Variants in NEK6 observed in about 807,000 individuals in gnomAD.
NEK6 encodes the protein NIMA related kinase 6, also known as serine/threonine-protein kinase Nek6.
NEK6 carries 27 observed loss-of-function variants against 43.5 expected under a neutral mutation model. The ratio of observed to expected loss-of-function variants is 0.62; its 90% confidence interval spans 0.46 to 0.86. The LOEUF is 0.86. NEK6 is among the 40% of genes least tolerant of loss of function. The pLI, the probability that NEK6 is intolerant of heterozygous loss-of-function variation, is 0.00. For missense variants in NEK6, 318 were observed against 414.4 expected (o/e 0.77, Z 2.02); for synonymous variants, 167 against 164.1 (o/e 1.02, Z -0.14).
intron 4 of NEK6, among the ~76,000 whole-genome samples, chr9:124,315,726 G>T (rs942806749): frequency 6.6e-6 from 1 of 152,208 alleles, no homozygotes; most frequent in Non-Finnish European, 1.5e-5. Flanking sequence ...CGCAGCCCCT[G>T]CCTTGCAGGA....
At position 124,351,163 on chromosome 9, in the gene NEK6, T is replaced by G. The variant is rs1030323993; in HGVS notation, c.*216T>G. The G allele has an allele frequency of 1.6e-5, 8 of 512,468 alleles. No homozygotes were observed. Among genetic ancestry groups the G allele is most frequent in the African/African-American group, 3.9e-5 (2 of 51,728 alleles). 31.7% of individuals were successfully genotyped at this position (512,468 alleles called of 1,614,324 possible). On this transcript the variant is annotated 3_prime_UTR_variant, in exon 10 of 10. Coordinates refer to ENST00000320246, the MANE Select transcript of NEK6 (RefSeq NM_014397.6). ...CACTGATGGTCAGATTCCAAAGTCC[T>G]TTCTTTATACTGTTGTGGACAATCT... is the stretch of plus-strand genomic sequence containing the variant.
At chr9:124,303,698 G>A (rs1833112490) in intron 2 of NEK6, among the ~76,000 whole-genome samples, 1 of 152,186 alleles carries the variant, frequency 6.6e-6, no homozygotes, top group South Asian at 2.1e-4. Context: ...TAGAATTTGG[G>A]GAGGCAGATC....
At chr9:124,303,659 T>G (rs1057335770) in intron 2 of NEK6, among the ~76,000 whole-genome samples, 17 of 152,226 alleles carry the variant, frequency 1.1e-4, no homozygotes, top group Non-Finnish European at 2.2e-4. Context: ...CTATGCTATT[T>G]GTACTCATGC....
intron 4 of NEK6, among the ~76,000 whole-genome samples, chr9:124,316,424 G>A (rs975962324): frequency 2.0e-5 from 3 of 152,242 alleles, no homozygotes; most frequent in Non-Finnish European, 4.4e-5. Flanking sequence ...TGGGAGCAGA[G>A]CCCCTGATGG....
At position 124,343,210 on chromosome 9, in the gene NEK6, G is replaced by A. The variant is rs1168690657; in HGVS notation, c.717+3545G>A. On this transcript the variant is annotated intron_variant, in intron 8 of 9. Transcript: ENST00000320246. This position sits in a 1 kb window ranked among gnomAD's most constrained non-coding sequence, Gnocchi z 5.1. ...TGGGGCTGTGCGGCTCGCAGCTGGG[G>A]GGGCTGGACCACAGCCGGGGGGCGG... Among the ~76,000 whole-genome samples, 3 of 151,650 alleles carry A rather than the reference G, an allele frequency of 2.0e-5. No homozygotes were observed. The highest frequency in any genetic ancestry group is 6.6e-5 in the Admixed American group (1 of 15,244).
chr9:124,266,890 A>G (rs937322150), intron 1 of NEK6, among the ~76,000 whole-genome samples: 2 of 152,200 alleles, frequency 1.3e-5, no homozygotes, highest in African/African-American at 4.8e-5. Flanking sequence ...TCTTAGAGAA[A>G]TGCTCATCCT....
At chr9:124,282,269 G>C (rs1423718745) in intron 1 of NEK6, among the ~76,000 whole-genome samples, 1 of 151,888 alleles carries the variant, frequency 6.6e-6, no homozygotes, top group Non-Finnish European at 1.5e-5. Context: ...TCCTTGTTCC[G>C]TGTTCCGTGG....
At chr9:124,304,408 C>G (rs970335496) in intron 2 of NEK6, among the ~76,000 whole-genome samples, 2 of 152,206 alleles carry the variant, frequency 1.3e-5, no homozygotes, top group Non-Finnish European at 2.9e-5. Flanking sequence ...GCACCCAGCT[C>G]TCCGTCTCTC....
intron 7 of NEK6, among the ~76,000 whole-genome samples, chr9:124,335,502 G>T (rs1829242898): frequency 6.6e-6 from 1 of 152,252 alleles, no homozygotes. Context: ...TTGGTATCCT[G>T]ATGAAGCAAT....
chr9:124,257,950 C>T lies in NEK6; in HGVS notation c.-165C>T, dbSNP rs1256443546. On this transcript the variant is annotated 5_prime_UTR_variant, in exon 1 of 10. Coordinates refer to ENST00000320246, the MANE Select transcript of NEK6 (RefSeq NM_014397.6). Reference sequence around the variant, plus strand: ...GCGCGGGCGCGCGGGCCCGCGCAGGCGGTGGCGGCGGCGGCGGAACCGAGC... The same window carrying T: ...GCGCGGGCGCGCGGGCCCGCGCAGGTGGTGGCGGCGGCGGCGGAACCGAGC... 12 of 978,110 alleles carry T rather than the reference C, an allele frequency of 1.2e-5. No individual in the cohort carries two copies. The highest frequency in any genetic ancestry group is 6.4e-5 in the Admixed American group (1 of 15,664). The allele number at this position is 978,110 out of a possible 1,614,324, so 60.6% of individuals were successfully genotyped here. A position where few individuals can be genotyped will look rare whatever the true frequency, so the allele number is the denominator to read the frequency against.
At chr9:124,313,721 C>T (rs574282575) in intron 3 of NEK6, among the ~76,000 whole-genome samples, 33 of 151,564 alleles carry the variant, frequency 2.2e-4, no homozygotes, top group African/African-American at 8.0e-4. Flanking sequence ...TCTTTAGTGC[C>T]ACGATGGGTT....
chr9:124,344,826 A>T (rs974389937), intron 8 of NEK6, among the ~76,000 whole-genome samples: 4 of 152,192 alleles, frequency 2.6e-5, no homozygotes, highest in African/African-American at 9.7e-5. Context: ...CTCAAGGGGA[A>T]GATCTGCGGA....
At chr9:124,280,164 G>A (rs897632636) in intron 1 of NEK6, among the ~76,000 whole-genome samples, 2 of 150,148 alleles carry the variant, frequency 1.3e-5, no homozygotes, top group African/African-American at 2.4e-5. Flanking sequence ...GGTTCACACC[G>A]CCCAAAGAAA....
chr9:124,278,949 C>A (rs1393179993), intron 1 of NEK6, among the ~76,000 whole-genome samples: 1 of 152,194 alleles, frequency 6.6e-6, no homozygotes, highest in Non-Finnish European at 1.5e-5. Context: ...TACCGGGGCA[C>A]TTTGCCTACA....
chr9:124,292,078 C>T, intron 1 of NEK6: 1 of 1,037,336 alleles, frequency 9.6e-7, no homozygotes, highest in Non-Finnish European at 1.2e-6. Context: ...TCTCAGGAGC[C>T]ACTTCAAAAG....
intron 4 of NEK6, among the ~76,000 whole-genome samples, chr9:124,314,498 G>T (rs781129441): frequency 1.1e-4 from 16 of 146,850 alleles, no homozygotes; most frequent in Non-Finnish European, 1.5e-4. Context: ...GTGGTGGTGG[G>T]TTTTTTTTTT....
At chr9:124,278,484 G>A (rs1831742165) in intron 1 of NEK6, among the ~76,000 whole-genome samples, 10 of 152,148 alleles carry the variant, frequency 6.6e-5, no homozygotes, top group Admixed American at 5.9e-4. Flanking sequence ...TCAAGAAGAT[G>A]AGCCCAGGCT....
intron 9 of NEK6, among the ~76,000 whole-genome samples, chr9:124,349,862 G>C (rs1830156767): frequency 6.6e-6 from 1 of 152,232 alleles, no homozygotes; most frequent in Non-Finnish European, 1.5e-5. Context: ...GGGCTTCTCG[G>C]TTGTAAGGCA....
chr9:124,343,227 G>C lies in NEK6; in HGVS notation c.717+3562G>C, dbSNP rs1422124421. Among the ~76,000 whole-genome samples the C allele has an allele frequency of 6.6e-6, 1 of 151,186 alleles. No individual in the cohort carries two copies. The highest frequency in any genetic ancestry group is 1.9e-4 in the East Asian group (1 of 5,150). The stretch of plus-strand genomic sequence containing the variant: ...CAGCTGGGGGGGCTGGACCACAGCC[G>C]GGGGGCGGTGAGGGGACGGATCGCA... On this transcript the variant is annotated intron_variant, in intron 8 of 9. Coordinates refer to ENST00000320246, the MANE Select transcript of NEK6 (RefSeq NM_014397.6). This position sits in a 1 kb window ranked among gnomAD's most constrained non-coding sequence, Gnocchi z 5.1.
Sources: allele counts gnomAD v4.1 joint callset (sites outside exome capture counted in the v4.1 genomes callset), GRCh38; gene constraint gnomAD v4.1.1; non-coding constraint Gnocchi (gnomAD v3.1); transcripts MANE v1.5; gene names NCBI Gene and HGNC (gene_info 2026-07-23, HGNC 2026-07-21).